PRR33: variants seen among roughly 807,000 people sequenced by gnomAD.
The protein encoded by PRR33 is proline-rich protein 33.
PRR33 carries 1 observed loss-of-function variant against 0.5 expected under a neutral mutation model. The observed-to-expected ratio is 2.18, with a 90% CI of 0.77 to 10.34. The LOEUF is 10.34. Ranked by LOEUF, PRR33 falls within the 30% of genes most tolerant of loss-of-function variation. The probability of loss-of-function intolerance (pLI) is 0.13; values close to 1 mark genes in which losing one functional copy is unlikely to be tolerated. For synonymous variants in PRR33, 226 were observed against 110.0 expected, an observed-to-expected ratio of 2.06 and a Z score of -6.60; for missense variants, 552 against 251.8, an observed-to-expected ratio of 2.19 and a Z score of -8.07.
At chr11:1,914,752 T>C in the PRR33 span, among the ~76,000 whole-genome samples, 1 of 146,968 alleles carries the variant, frequency 6.8e-6, no homozygotes, top group South Asian at 2.2e-4. Flanking sequence ...GTCACACACC[T>C]GGGATGTTTC....
chr11:1,896,796 G>C (rs1257302293), upstream of PRR33, among the ~76,000 whole-genome samples: 5 of 152,220 alleles, frequency 3.3e-5, no homozygotes, highest in Admixed American at 3.3e-4. Context: ...GGTTAGGGAA[G>C]TTCCCTCTAT....
the PRR33 span, among the ~76,000 whole-genome samples, chr11:1,914,814 CTCTG>C: frequency 8.1e-5 from 10 of 124,182 alleles, no homozygotes; most frequent in Admixed American, 1.8e-4. Flanking sequence ...GGAGATGTTG[CTCTG>C]TGTGTGTTGT....
chr11:1,903,523 A>G, the PRR33 span, among the ~76,000 whole-genome samples: 5 of 152,170 alleles, frequency 3.3e-5, no homozygotes, highest in South Asian at 2.1e-4. Flanking sequence ...CTTCACATCA[A>G]TTGGCATCCC....
At chr11:1,897,364 C>T in the PRR33 span, among the ~76,000 whole-genome samples, 305 of 152,276 alleles carry the variant, frequency 2.0e-3, no homozygotes, top group African/African-American at 7.0e-3. The surrounding 1 kb of genome is among the most constrained non-coding windows in gnomAD (Gnocchi z 4.0). Context: ...CAATGGGTTT[C>T]GTAAGTGGGA....
exon 1 of PRR33, chr11:1,889,790 C>G: frequency 1.5e-6 from 1 of 646,740 alleles, no homozygotes; most frequent in Non-Finnish European, 2.8e-6. Context: ...GCACCACAAC[C>G]CTGGCACTAG....
exon 1 of PRR33, chr11:1,889,403 G>A: frequency 1.4e-6 from 1 of 691,790 alleles, no homozygotes; most frequent in Non-Finnish European, 2.7e-6. Flanking sequence ...AGGTCCGGGA[G>A]GCGGGGGCCC....
chr11:1,906,645 T>C, the PRR33 span, among the ~76,000 whole-genome samples: 1 of 152,190 alleles, frequency 6.6e-6, no homozygotes, highest in Admixed American at 6.5e-5. Flanking sequence ...GTGGGCTAAC[T>C]ATTCCCCACT....
At chr11:1,889,732 C>G in exon 1 of PRR33, 1 of 656,250 alleles carries the variant, frequency 1.5e-6, no homozygotes, top group Non-Finnish European at 2.8e-6. Context: ...CCCATGGGGA[C>G]CAGGCTGTGC....
At chr11:1,893,486 T>G (rs1395625985), upstream of PRR33, among the ~76,000 whole-genome samples, 1 of 148,752 alleles carries the variant, frequency 6.7e-6, no homozygotes, top group Non-Finnish European at 1.5e-5. Context: ...AATGGATAGG[T>G]GGATGGATGA....
At chr11:1,914,620 C>T in the PRR33 span, among the ~76,000 whole-genome samples, 13 of 139,484 alleles carry the variant, frequency 9.3e-5, no homozygotes, top group South Asian at 2.9e-3. Context: ...TCTGGGGTCA[C>T]ACACCTGGGG....
the PRR33 span, among the ~76,000 whole-genome samples, chr11:1,899,303 G>A: frequency 6.6e-6 from 1 of 152,134 alleles, no homozygotes; most frequent in Admixed American, 6.5e-5. Context: ...CTTGAGCGGT[G>A]AGATAACGAA....
At chr11:1,900,305 G>C in the PRR33 span, among the ~76,000 whole-genome samples, 6 of 152,114 alleles carry the variant, frequency 3.9e-5, no homozygotes, top group African/African-American at 1.2e-4. Context: ...TTCAAATTGG[G>C]TATCTAAACA....
the PRR33 span, among the ~76,000 whole-genome samples, chr11:1,915,767 A>G: frequency 4.2e-5 from 3 of 71,478 alleles, no homozygotes; most frequent in Admixed American, 5.2e-4. Flanking sequence ...GGAGGGATGG[A>G]TGGATGAAGG....
the PRR33 span, among the ~76,000 whole-genome samples, chr11:1,916,451 G>A: frequency 1.3e-5 from 2 of 152,204 alleles, no homozygotes; most frequent in African/African-American, 2.4e-5. Flanking sequence ...CCCAGCCACT[G>A]AGAGAGGATC....
At chr11:1,906,765 G>T in the PRR33 span, among the ~76,000 whole-genome samples, 2 of 152,194 alleles carry the variant, frequency 1.3e-5, no homozygotes, top group Admixed American at 1.3e-4. Context: ...CCCGGCACTG[G>T]TCTCTCTAGT....
At chr11:1,910,164 T>G in the PRR33 span, among the ~76,000 whole-genome samples, 1 of 152,192 alleles carries the variant, frequency 6.6e-6, no homozygotes, top group African/African-American at 2.4e-5. Context: ...TTCTTTGCAG[T>G]GACCAACAGC....
chr11:1,908,829 A>G, the PRR33 span, among the ~76,000 whole-genome samples: 1 of 152,324 alleles, frequency 6.6e-6, no homozygotes, highest in South Asian at 2.1e-4. Flanking sequence ...AGTAATGGTA[A>G]AAGCAGGCAT....
exon 1 of PRR33, chr11:1,891,018 G>A (rs552446034): frequency 1.3e-3 from 221 of 165,136 alleles, no homozygotes; most frequent in Non-Finnish European, 2.5e-3. Flanking sequence ...AGGGCTGGAA[G>A]AGCGGCTGCC....
exon 1 of PRR33, chr11:1,890,573 C>T (rs1218329357): frequency 7.1e-6 from 5 of 708,862 alleles, no homozygotes; most frequent in Admixed American, 6.0e-5. Context: ...TCGACGCAGC[C>T]GATATGAGCA....
Sources: gnomAD v4.1 joint callset for allele counts (sites outside exome capture counted in the v4.1 genomes callset) on GRCh38, gnomAD v4.1.1 for gene constraint, Gnocchi (gnomAD v3.1) non-coding constraint, MANE v1.5 for transcripts, NCBI Gene and HGNC (gene_info 2026-07-23, HGNC 2026-07-21) for gene names.